Variants in BLTP1 observed in about 807,000 individuals in gnomAD.
BLTP1 encodes the protein bridge-like lipid transfer protein family member 1.
chr4:122,269,550 C>T, the BLTP1 span: 2 of 985,238 alleles, frequency 2.0e-6, no homozygotes, highest in Non-Finnish European at 2.4e-6. Context: ...GTAATTCCAT[C>T]TTAAGCTCTT....
chr4:122,274,286 T>C, the BLTP1 span: 1 of 941,762 alleles, frequency 1.1e-6, no homozygotes. Flanking sequence ...AATTTTAATA[T>C]GAAATGCAAG....
At chr4:122,204,855 G>C in the BLTP1 span, 1 of 876,954 alleles carries the variant, frequency 1.1e-6, no homozygotes, top group Non-Finnish European at 1.4e-6. Context: ...ATTATGTAAA[G>C]TGTGATGAAT....
chr4:122,238,223 A>T, the BLTP1 span: 4 of 1,613,636 alleles, frequency 2.5e-6, no homozygotes, highest in Non-Finnish European at 3.4e-6. Flanking sequence ...CTCAGAAGAG[A>T]ACAGTAGTTC....
the BLTP1 span, chr4:122,208,371 C>T: frequency 3.1e-6 from 3 of 983,564 alleles, no homozygotes; most frequent in African/African-American, 3.5e-5. Flanking sequence ...ACCTTGCTGC[C>T]TGTTAAGAAA....
At chr4:122,279,775 A>T in the BLTP1 span, 1 of 1,612,950 alleles carries the variant, frequency 6.2e-7, no homozygotes, top group African/African-American at 1.3e-5. Flanking sequence ...CTATTGATAG[A>T]ACTGTAGTGA....
chr4:122,237,151 A>T, the BLTP1 span: 1 of 985,258 alleles, frequency 1.0e-6, no homozygotes, highest in Non-Finnish European at 1.2e-6. Context: ...CTAGAACTGC[A>T]TTCTGTTCAC....
chr4:122,339,409 G>T, the BLTP1 span: 2 of 1,605,802 alleles, frequency 1.2e-6, no homozygotes, highest in Non-Finnish European at 1.7e-6. Context: ...GGAATACCAG[G>T]TATAGATAAT....
At chr4:122,272,206 T>C in the BLTP1 span, 2 of 1,613,264 alleles carry the variant, frequency 1.2e-6, no homozygotes. Flanking sequence ...TGTTTGAGAA[T>C]GAACAAGACA....
At chr4:122,204,641 G>A in the BLTP1 span, 1 of 894,370 alleles carries the variant, frequency 1.1e-6, no homozygotes, top group African/African-American at 1.8e-5. Flanking sequence ...TATTTAGTTT[G>A]ACCAAAAATG....
the BLTP1 span, chr4:122,187,979 C>T: frequency 6.3e-7 from 1 of 1,596,304 alleles, no homozygotes; most frequent in African/African-American, 1.4e-5. Context: ...TACTACAAAA[C>T]CACCTTCAAG....
the BLTP1 span, chr4:122,267,686 TA>T: frequency 1.1e-6 from 1 of 870,404 alleles, no homozygotes; most frequent in Non-Finnish European, 1.4e-6. Flanking sequence ...TGTAGCATGG[TA>T]AAAGTTAAGA....
chr4:122,291,639 G>A, the BLTP1 span: 2 of 678,920 alleles, frequency 2.9e-6, no homozygotes, highest in South Asian at 6.6e-5. Context: ...TCAGAAAGAT[G>A]TAAGTAAGCA....
chr4:122,183,335 CAAA>C, the BLTP1 span: 1,016 of 732,040 alleles, frequency 1.4e-3, no homozygotes, highest in Middle Eastern at 2.0e-3. Flanking sequence ...GACCCTGTCT[CAAA>C]AAAAAAAAAA....
At chr4:122,289,086 G>A in the BLTP1 span, 1 of 1,606,238 alleles carries the variant, frequency 6.2e-7, no homozygotes, top group Non-Finnish European at 8.5e-7. Flanking sequence ...TTGTCTGGCA[G>A]GTTGGTTCCT....
the BLTP1 span, chr4:122,281,180 C>A: frequency 2.7e-6 from 1 of 365,892 alleles, no homozygotes; most frequent in Non-Finnish European, 3.8e-6. Flanking sequence ...TCATTCTTAA[C>A]AGTAGTAGTA....
At chr4:122,235,666 G>T in the BLTP1 span, 1 of 161,270 alleles carries the variant, frequency 6.2e-6, no homozygotes, top group Non-Finnish European at 1.3e-5. Flanking sequence ...TTAGCCGGGC[G>T]TGGTGGCGGG....
the BLTP1 span, chr4:122,204,598 GT>G: frequency 1.0e-5 from 10 of 984,034 alleles, no homozygotes; most frequent in East Asian, 1.1e-3. Flanking sequence ...AAGATGGTTA[GT>G]TTTTCCTTAG....
the BLTP1 span, chr4:122,333,604 G>T: frequency 6.4e-7 from 1 of 1,557,086 alleles, no homozygotes; most frequent in East Asian, 2.3e-5. Context: ...TTTTTAAAAA[G>T]ATAAGAACAT....
the BLTP1 span, chr4:122,250,478 AG>A: frequency 3.1e-6 from 5 of 1,613,738 alleles, no homozygotes; most frequent in Non-Finnish European, 4.2e-6. Context: ...TCCAACCGGC[AG>A]TGGCTATAAT....
Sources: allele counts gnomAD v4.1 joint callset, GRCh38; gene constraint gnomAD v4.1.1; transcripts MANE v1.5; gene names NCBI Gene and HGNC (gene_info 2026-07-23, HGNC 2026-07-21).